Variants in TRANK1 observed in about 807,000 individuals in gnomAD.
TRANK1 encodes tetratricopeptide repeat and ankyrin repeat containing 1.
Under a neutral mutation model 266.0 loss-of-function variants are expected in TRANK1, and 198 were observed. The ratio of observed to expected loss-of-function variants is 0.74; its 90% confidence interval spans 0.66 to 0.84. The LOEUF is 0.84. Among genes scored for constraint, TRANK1 ranks in the 40% least tolerant of loss-of-function variants. The probability of loss-of-function intolerance (pLI) is 0.00; values close to 1 mark genes in which losing one functional copy is unlikely to be tolerated. For synonymous variants in TRANK1, 1,396 were observed against 1,384.1 expected (o/e 1.01, Z -0.19); for missense variants, 3,326 against 3,634.6 (o/e 0.92, Z 2.18).
intron 16 of TRANK1, among the ~76,000 whole-genome samples, chr3:36,846,673 T>C (rs966409214): frequency 6.6e-6 from 1 of 152,170 alleles, no homozygotes; most frequent in Non-Finnish European, 1.5e-5. Context: ...GAATCAGCCA[T>C]AATTTTTTTT....
In TRANK1 at chr3:36,895,701, C is replaced by T. The variant is rs756935011; in HGVS notation, c.491G>A (p.Gly164Glu). ...LPCFDHIFTT[G>E]FPTEVWQSVI... Reference sequence around the variant, plus strand: ...AGATTGCCACACTTCTGTTGGGAATCCAGTTGTGAAAATATGATCAAAGCA... The same window carrying T: ...AGATTGCCACACTTCTGTTGGGAATTCAGTTGTGAAAATATGATCAAAGCA... Residue 164 changes from glycine (G) to glutamate (E), a missense_variant, in exon 5 of 24, where the codon GGA (glycine) becomes GAA (glutamate). Coordinates refer to ENST00000645898, the MANE Select transcript of TRANK1 (RefSeq NM_001329998.2). 7.2e-6 allele frequency: 11 copies of T among 1,536,702 alleles called. No homozygotes were observed. Among genetic ancestry groups the T allele is most frequent in the Non-Finnish European group, 9.6e-6 (11 of 1,146,734 alleles).
intron 2 of TRANK1, among the ~76,000 whole-genome samples, chr3:36,904,784 G>A (rs548501596): frequency 2.6e-5 from 4 of 152,198 alleles, no homozygotes; most frequent in South Asian, 2.1e-4. Flanking sequence ...AGCAGTGACC[G>A]CAAGTGTAAG....
intron 7 of TRANK1, 54 bp from the exon 8 acceptor site, chr3:36,890,014 A>C: frequency 6.6e-7 from 1 of 1,525,974 alleles, no homozygotes; most frequent in East Asian, 2.4e-5. Flanking sequence ...AAAGTCAGCA[A>C]AGTTAATTTG....
chr3:36,888,829 G>A (rs561391476), intron 8 of TRANK1, among the ~76,000 whole-genome samples: 1 of 152,322 alleles, frequency 6.6e-6, no homozygotes, highest in East Asian at 1.9e-4. Context: ...GGCCGAGGCA[G>A]GTGGATCACT....
rs530479118 is a variant in TRANK1, at chr3:36,832,312, T to A, written c.7271A>T (p.Glu2424Val). ...IDQFYVYRNP[E>V]DYKRLFFRFM... ...ACGGAAAAAGAGCCTCTTGTAGTCT[T>A]CTGGGTTCCTGTACACGTAGAATTG... The change falls in exon 22 of 24, where the codon GAA becomes GTA. Residue 2424 changes from glutamate (E) to valine (V), a missense_variant. Glu to Val is a moderately radical substitution (Grantham distance 121). Transcript: ENST00000645898. The A allele has an allele frequency of 9.4e-5, 151 of 1,613,988 alleles. 1 individual carries two copies. In the South Asian group the frequency reaches 1.5e-3, roughly 16 times the overall value.
intron 17 of TRANK1, 106 bp from the exon 18 acceptor site, chr3:36,842,816 G>T: frequency 3.0e-6 from 3 of 996,434 alleles, no homozygotes; most frequent in Non-Finnish European, 4.6e-6. Flanking sequence ...AAATTCACTT[G>T]TTAAAGTCCT....
chr3:36,851,526 G>A (rs2078984151), intron 15 of TRANK1, 193 bp downstream of exon 15: 2 of 1,229,914 alleles, frequency 1.6e-6, no homozygotes, highest in South Asian at 3.6e-5. Context: ...GACACACTGT[G>A]AAACAACCCA....
intron 8 of TRANK1, among the ~76,000 whole-genome samples, chr3:36,887,909 T>C (rs1205212470): frequency 3.9e-5 from 6 of 152,230 alleles, no homozygotes; most frequent in African/African-American, 1.2e-4. Context: ...CTGGTGGCAC[T>C]GTAAAATGGT....
chr3:36,915,792 G>T (rs1179014509), intron 1 of TRANK1, among the ~76,000 whole-genome samples: 1 of 152,216 alleles, frequency 6.6e-6, no homozygotes, highest in Non-Finnish European at 1.5e-5. Context: ...AGGCAAGTCT[G>T]TTGGAATTGA....
At chr3:36,932,961 C>A (rs1460184240) in intron 1 of TRANK1, among the ~76,000 whole-genome samples, 1 of 152,126 alleles carries the variant, frequency 6.6e-6, no homozygotes, top group Non-Finnish European at 1.5e-5. Flanking sequence ...GATGAGGTTT[C>A]TCTTCAAATA....
intron 6 of TRANK1, 49 bp downstream of exon 6, chr3:36,892,852 C>CATATATATATAT (rs60833390): frequency 2.0e-4 from 116 of 581,974 alleles, no homozygotes; most frequent in Middle Eastern, 6.5e-4. Flanking sequence ...CAAAACAAAA[C>CATATATATATAT]ATATATATAT....
intron 1 of TRANK1, among the ~76,000 whole-genome samples, chr3:36,939,099 T>C (rs535182506): frequency 4.6e-5 from 7 of 151,886 alleles, no homozygotes; most frequent in Non-Finnish European, 5.9e-5. Flanking sequence ...ACCGCACCAC[T>C]GTACTCCAGC....
At chr3:36,841,170 C>G (rs1380421955) in intron 18 of TRANK1, among the ~76,000 whole-genome samples, 1 of 152,158 alleles carries the variant, frequency 6.6e-6, no homozygotes, top group African/African-American at 2.4e-5. Flanking sequence ...CCATGAAATT[C>G]CAATGAGAAG....
intron 1 of TRANK1, among the ~76,000 whole-genome samples, chr3:36,912,345 G>A (rs1340668409): frequency 6.6e-6 from 1 of 152,170 alleles, no homozygotes; most frequent in African/African-American, 2.4e-5. Flanking sequence ...CACTTTAAGA[G>A]CCAAACTACA....
At chr3:36,897,059 TG>T (rs1203019669) in intron 4 of TRANK1, among the ~76,000 whole-genome samples, 3 of 152,068 alleles carry the variant, frequency 2.0e-5, no homozygotes, top group Non-Finnish European at 4.4e-5. Flanking sequence ...CCCAGCACTT[TG>T]GGAGGCCAAG....
At chr3:36,855,035 C>T (rs947731902) in intron 13 of TRANK1, 138 bp downstream of exon 13, 10 of 728,304 alleles carry the variant, frequency 1.4e-5, no homozygotes, top group East Asian at 2.7e-5. Context: ...TGTCCATGAG[C>T]GTATTTACTA....
chr3:36,832,163 C>T lies in TRANK1; in HGVS notation c.7420G>A (p.Val2474Ile). Residue 2474 changes from valine to isoleucine, a missense_variant, in exon 22 of 24, where the codon GTC (valine) becomes ATC (isoleucine). By Grantham distance (29) the Val-to-Ile change is conservative (BLOSUM62 3). Transcript: ENST00000645898. Reference sequence around the variant, plus strand: ...TAGCTCTTGGGGAGGCATAGAATGACATTCTTCCAGAGGCGGGCCAGCACC... The same window carrying T: ...TAGCTCTTGGGGAGGCATAGAATGATATTCTTCCAGAGGCGGGCCAGCACC... ...GVVLARLWKN[V>I]ILCLPKSYIA... The T allele has an allele frequency of 6.2e-7, 1 of 1,613,998 alleles. No homozygotes were observed. The highest frequency in any genetic ancestry group is 8.5e-7 in the Non-Finnish European group (1 of 1,179,900).
intron 1 of TRANK1, among the ~76,000 whole-genome samples, chr3:36,931,493 C>G (rs2080359503): frequency 6.6e-6 from 1 of 150,606 alleles, no homozygotes; most frequent in African/African-American, 2.4e-5. Context: ...TCACTTGAGC[C>G]CAGGAGTTCC....
chr3:36,922,920 G>C (rs1351339523), intron 1 of TRANK1, among the ~76,000 whole-genome samples: 1 of 152,184 alleles, frequency 6.6e-6, no homozygotes, highest in East Asian at 1.9e-4. Flanking sequence ...CACGCTGGCA[G>C]GGCCGAGGGA....
Sources: allele counts gnomAD v4.1 joint callset (sites outside exome capture counted in the v4.1 genomes callset), GRCh38; gene constraint gnomAD v4.1.1; transcripts MANE v1.5; gene names NCBI Gene and HGNC (gene_info 2026-07-23, HGNC 2026-07-21).